ZNF280C: variants seen among roughly 807,000 people sequenced by gnomAD.
ZNF280C encodes the protein suppressor of hairy wing homolog 3.
A neutral mutation model predicts 53.6 loss-of-function variants in ZNF280C; 14 were observed. The ratio of observed to expected loss-of-function variants is 0.26; its 90% CI spans 0.17 to 0.41. The LOEUF is 0.41. Among genes scored for constraint, ZNF280C ranks in the 10% least tolerant of loss-of-function variants. ZNF280C has a pLI of 1.00. For missense variants in ZNF280C, 416 were observed against 547.1 expected (o/e 0.76, Z 2.39); for synonymous variants, 203 against 181.1 (o/e 1.12, Z -0.97).
At chrX:130,266,721 A>G (rs1182253690) in intron 1 of ZNF280C, among the ~76,000 whole-genome samples, 4 of 111,848 alleles carry the variant, frequency 3.6e-5, no homozygotes, top group Non-Finnish European at 7.5e-5. Flanking sequence ...TACTTTCAGG[A>G]GTCATTTCTA....
chrX:130,263,137 T>C (rs981808980), intron 1 of ZNF280C, among the ~76,000 whole-genome samples: 1 of 112,433 alleles, frequency 8.9e-6, no homozygotes, highest in Non-Finnish European at 1.9e-5. Flanking sequence ...GTACAGCCAC[T>C]GTGGAAAACA....
intron 6 of ZNF280C, among the ~76,000 whole-genome samples, chrX:130,238,186 T>C (rs1321568770): frequency 9.0e-6 from 1 of 111,463 alleles, no homozygotes; most frequent in Non-Finnish European, 1.9e-5. Flanking sequence ...TCTGAACATA[T>C]AGCACATATT....
rs927042339 is a variant in ZNF280C, at chrX:130,218,232, T to C, written c.1527+2117A>G. On this transcript the variant is annotated intron_variant, in intron 13 of 18. Coordinates refer to ENST00000370978, the MANE Select transcript of ZNF280C (RefSeq NM_017666.5). ...CAAATAGAGAGGTCAAAATGTAATA[T>C]AGAGGTCTGAAATAATAACTCTGGA... is the stretch of plus-strand genomic sequence containing the variant. 1.7e-4 allele frequency among the ~76,000 whole-genome samples: 19 copies of C among 111,561 alleles called. No individual in the cohort carries two copies. The East Asian group carries it at 2.2e-3, about 13-fold the overall frequency.
At chrX:130,250,598 G>A (rs1382904749) in intron 2 of ZNF280C, among the ~76,000 whole-genome samples, 1 of 111,697 alleles carries the variant, frequency 9.0e-6, no homozygotes, top group Non-Finnish European at 1.9e-5. Flanking sequence ...CTGAAGCCCT[G>A]AATAGAATAA....
chrX:130,222,276 C>CCCCACACACA (rs1367658791), intron 12 of ZNF280C, among the ~76,000 whole-genome samples: 1 of 69,937 alleles, frequency 1.4e-5, no homozygotes, highest in African/African-American at 5.9e-5. Context: ...CATTCAGACA[C>CCCCACACACA]CACACACACA....
chrX:130,221,972 C>A (rs969995467), intron 12 of ZNF280C, among the ~76,000 whole-genome samples: 8 of 111,221 alleles, frequency 7.2e-5, no homozygotes, highest in Non-Finnish European at 1.3e-4. Context: ...AATTTCATCT[C>A]CTACTACTTT....
At chrX:130,260,148 G>C (rs917561287) in intron 2 of ZNF280C, among the ~76,000 whole-genome samples, 3 of 110,364 alleles carry the variant, frequency 2.7e-5, no homozygotes, top group Middle Eastern at 4.6e-3. Flanking sequence ...TGGGTGTGGT[G>C]GTGGGCGCCT....
chrX:130,230,470 C>T (rs758665591), intron 9 of ZNF280C, 40 bp downstream of exon 9: 2 of 983,467 alleles, frequency 2.0e-6, no homozygotes, highest in African/African-American at 2.0e-5. Context: ...TCTGTCATAT[C>T]CCAACTTTCA....
intron 5 of ZNF280C, among the ~76,000 whole-genome samples, chrX:130,243,121 A>AC (rs1367835970): frequency 2.7e-5 from 3 of 111,880 alleles, no homozygotes; most frequent in African/African-American, 9.7e-5. Flanking sequence ...GATGGGGATT[A>AC]TTTTTCTACT....
chrX:130,254,165 A>G (rs1238467986), intron 2 of ZNF280C, among the ~76,000 whole-genome samples: 1 of 112,374 alleles, frequency 8.9e-6, no homozygotes, highest in Non-Finnish European at 1.9e-5. Flanking sequence ...AAAAAGCACA[A>G]CATCACTGAT....
chrX:130,225,167 T>A lies in ZNF280C; in HGVS notation c.1395+1592A>T, dbSNP rs1347078213. ...TGTCTTTCTTACCTTTCTAAGCATG[T>A]TATCACTCCCTTCAAATCTACATCT... On this transcript the variant is annotated intron_variant, in intron 12 of 18. Transcript: ENST00000370978. 3.6e-5 allele frequency among the ~76,000 whole-genome samples: 4 copies of A among 111,113 alleles called. No individual in the cohort carries two copies. In the Admixed American group the frequency reaches 3.8e-4, roughly 11 times the overall value.
At chrX:130,266,098 A>G (rs1399513839) in intron 1 of ZNF280C, among the ~76,000 whole-genome samples, 2 of 112,863 alleles carry the variant, frequency 1.8e-5, no homozygotes, top group East Asian at 5.5e-4. Context: ...TAAAATATTT[A>G]TAAGCCCATT....
At chrX:130,227,538 G>T in intron 11 of ZNF280C, 144 bp downstream of exon 11, 1 of 485,919 alleles carries the variant, frequency 2.1e-6, no homozygotes, top group Non-Finnish European at 3.6e-6. Flanking sequence ...ACCCAAGGGG[G>T]TTTCCACTAA....
At chrX:130,219,546 A>G (rs2032140784) in intron 13 of ZNF280C, among the ~76,000 whole-genome samples, 1 of 106,846 alleles carries the variant, frequency 9.4e-6, no homozygotes, top group Non-Finnish European at 1.9e-5. Flanking sequence ...AAGGCAAAGA[A>G]GGAGAAAGAA....
intron 1 of ZNF280C, among the ~76,000 whole-genome samples, chrX:130,266,198 T>A (rs754957013): frequency 8.9e-6 from 1 of 112,432 alleles, no homozygotes; most frequent in Admixed American, 9.4e-5. Flanking sequence ...TTTGCAAATG[T>A]CTTTAATATT....
rs1302969897 is a variant in ZNF280C, at chrX:130,268,817, G to C, written c.-72C>G. 8.9e-6 allele frequency: 1 copy of C among 112,476 alleles called. No homozygotes were observed. The highest frequency in any genetic ancestry group is 9.3e-5 in the Admixed American group (1 of 10,718). The allele number at this position is 112,476 out of a possible 1,213,427, so 9.3% of individuals were successfully genotyped here. A position where few individuals can be genotyped will look rare whatever the true frequency, so the allele number is the denominator to read the frequency against. Reference sequence around the variant, plus strand: ...TTCGGATAAGGAGGAGGAGAAAGAGGAGGAGGAAAGGGAGGAGCGCGAAAA... The same window carrying C: ...TTCGGATAAGGAGGAGGAGAAAGAGCAGGAGGAAAGGGAGGAGCGCGAAAA... On this transcript the variant is annotated 5_prime_UTR_variant, in exon 1 of 19. Coordinates refer to ENST00000370978, the MANE Select transcript of ZNF280C (RefSeq NM_017666.5).
At chrX:130,264,203 C>A (rs1311377470) in intron 1 of ZNF280C, among the ~76,000 whole-genome samples, 1 of 110,878 alleles carries the variant, frequency 9.0e-6, no homozygotes, top group Non-Finnish European at 1.9e-5. Flanking sequence ...AAACATTCGA[C>A]CGGTCCTGAT....
At chrX:130,210,564 A>G (rs143715656) in intron 15 of ZNF280C, among the ~76,000 whole-genome samples, 7 of 112,452 alleles carry the variant, frequency 6.2e-5, no homozygotes, top group African/African-American at 1.9e-4. Flanking sequence ...TCCTGGAAGT[A>G]AACACTACTT....
At chrX:130,236,136 T>C (rs1448012640) in intron 8 of ZNF280C, 78 bp downstream of exon 8, 1 of 637,047 alleles carries the variant, frequency 1.6e-6, no homozygotes, top group Admixed American at 3.3e-5. Flanking sequence ...TAAACCAGCA[T>C]TTACTGTATA....
Sources: gnomAD v4.1 joint callset for allele counts (sites outside exome capture counted in the v4.1 genomes callset) on GRCh38, gnomAD v4.1.1 for gene constraint, MANE v1.5 for transcripts, NCBI Gene and HGNC (gene_info 2026-07-23, HGNC 2026-07-21) for gene names.